MPDZ: variants seen among roughly 807,000 people sequenced by gnomAD.
MPDZ encodes multiple PDZ domain crumbs cell polarity complex component, also known as multiple PDZ domain protein.
Under a neutral mutation model 239.1 loss-of-function variants are expected in MPDZ, and 234 were observed. The observed-to-expected ratio is 0.98, with a 90% CI of 0.88 to 1.09. The LOEUF (loss-of-function observed/expected upper bound fraction) is 1.09, where lower values mean the gene tolerates loss of function less well. Ranked by LOEUF, MPDZ falls within the 50% of genes least tolerant of loss-of-function variation. The pLI, the probability that MPDZ is intolerant of heterozygous loss-of-function variation, is 0.00. For missense variants in MPDZ, 3,175 were observed against 2,510.0 expected (o/e 1.26, Z -5.66); for synonymous variants, 1,048 against 881.3 (o/e 1.19, Z -3.35).
chr9:13,158,338 G>T (rs1441808729), intron 23 of MPDZ, among the ~76,000 whole-genome samples: 1 of 152,062 alleles, frequency 6.6e-6, no homozygotes, highest in Non-Finnish European at 1.5e-5. Context: ...TGAACACTAA[G>T]ACTCTTGTCT....
rs1944382770 is a variant in MPDZ, at chr9:13,121,748, A to G, written c.5222T>C (p.Val1741Ala). 6.2e-7 allele frequency: 1 copy of G among 1,613,898 alleles called. No homozygotes were observed. The highest frequency in any genetic ancestry group is 8.5e-7 in the Non-Finnish European group (1 of 1,179,854). Residue 1741 changes from valine (V) to alanine (A), a missense_variant, in exon 38 of 47, where the codon GTT becomes GCT. Val to Ala is a moderately conservative substitution (Grantham distance 64). Transcript: ENST00000319217. The part of the protein sequence containing the change: ...KPGKGLGLSI[V>A]GKRNDTGVFV... ...TCCTCCTCAATCACACCTTTTACCA[A>G]CAATACTTAATCCTAGGCCTTTTCC... is the stretch of plus-strand genomic sequence containing the variant.
intron 10 of MPDZ, among the ~76,000 whole-genome samples, chr9:13,208,163 C>G (rs1189178959): frequency 6.6e-6 from 1 of 152,152 alleles, no homozygotes; most frequent in Non-Finnish European, 1.5e-5. Context: ...TAGATCAAGG[C>G]TGGGCGCAGT....
chr9:13,174,310 G>C (rs1952174393), intron 21 of MPDZ, among the ~76,000 whole-genome samples: 1 of 152,068 alleles, frequency 6.6e-6, no homozygotes, highest in Non-Finnish European at 1.5e-5. Context: ...CTTGTGTTAA[G>C]AACAGTGATA....
At chr9:13,115,156 C>T (rs1189499399) in intron 40 of MPDZ, 92 bp downstream of exon 40, 1 of 1,077,024 alleles carries the variant, frequency 9.3e-7, no homozygotes, top group Non-Finnish European at 1.4e-6. Flanking sequence ...GCCAGGGGAC[C>T]AGACCTTGTA....
In MPDZ at chr9:13,143,578, T is replaced by A. The variant is rs1462178983; in HGVS notation, c.3742-14A>T. 1.3e-6 allele frequency: 2 copies of A among 1,597,612 alleles called. No homozygotes were observed. Among genetic ancestry groups the A allele is most frequent in the South Asian group, 1.1e-5 (1 of 90,766 alleles). On this transcript the variant is annotated splice_polypyrimidine_tract_variant and intron_variant, in intron 26 of 46. Transcript: ENST00000319217. ...CAAAGGGGATTTCTAAAAGGAAACATAAGAGGCGCTGAACGCAAAGGAAAT... is the reference window on the plus strand; with the variant it reads ...CAAAGGGGATTTCTAAAAGGAAACAAAAGAGGCGCTGAACGCAAAGGAAAT...
At chr9:13,163,723 C>T (rs1401515811) in intron 22 of MPDZ, among the ~76,000 whole-genome samples, 3 of 152,052 alleles carry the variant, frequency 2.0e-5, no homozygotes, top group African/African-American at 7.2e-5. Flanking sequence ...TTATTAAACC[C>T]TCTGTCCATA....
Position 13,217,126 on chromosome 9 carries a change from T to G in MPDZ, c.1201+54A>C, listed in dbSNP as rs1958446249. 3 of 1,159,028 alleles carry G rather than the reference T, an allele frequency of 2.6e-6. No individual in the cohort carries two copies. The Admixed American group carries it at 7.6e-5, about 30-fold the overall frequency. 71.8% of individuals were successfully genotyped at this position (1,159,028 alleles called of 1,614,324 possible). The stretch of plus-strand genomic sequence containing the variant: ...TATCAACTCAATATTTTATAAGAGA[T>G]AGATATCAGAGGTAATTGTCAAGTT... On this transcript the variant is annotated intron_variant, in intron 9 of 46. Coordinates refer to ENST00000319217, the MANE Select transcript of MPDZ (RefSeq NM_001378778.1).
chr9:13,113,010 C>T lies in MPDZ; in HGVS notation c.5601+1G>A. 1 of 1,583,374 alleles carries T rather than the reference C, an allele frequency of 6.3e-7. No individual in the cohort carries two copies. Among genetic ancestry groups the T allele is most frequent in the Non-Finnish European group, 8.6e-7 (1 of 1,162,368 alleles). On this transcript the variant is annotated splice_donor_variant, in intron 42 of 46. Coordinates refer to ENST00000319217, the MANE Select transcript of MPDZ (RefSeq NM_001378778.1). LOFTEE classifies it high-confidence loss of function. ...TATATTGTTTTCTCTCCCCAAGTTA[C>T]CTTTTTCATTTCGACTGTTCTTAAT...
rs139327129 is a variant in MPDZ, at chr9:13,229,577, T to TACAC, written c.184-4998_184-4995dup. On this transcript the variant is annotated intron_variant, in intron 3 of 46. Transcript: ENST00000319217. ...GATTTTTCATGCCACACACCACACTTACACACACACACACACACACACACA... is the reference window on the plus strand; with the variant it reads ...GATTTTTCATGCCACACACCACACTTACACACACACACACACACACACACACACA... Among the ~76,000 whole-genome samples the TACAC allele has an allele frequency of 8.7e-3, 1,185 of 136,144 alleles. 11 individuals are homozygous for TACAC. Among genetic ancestry groups the TACAC allele is most frequent in the African/African-American group, 0.028 (1,062 of 37,280 alleles). 89.3% of individuals were successfully genotyped at this position (136,144 alleles called of 152,430 possible). A position where few individuals can be genotyped will look rare whatever the true frequency, so the allele number is the denominator to read the frequency against.
At chr9:13,163,964 C>T (rs768650904) in intron 22 of MPDZ, among the ~76,000 whole-genome samples, 10 of 152,094 alleles carry the variant, frequency 6.6e-5, no homozygotes, top group Non-Finnish European at 1.3e-4. Context: ...GTTCTGCTAC[C>T]ACGCAGAGTG....
At chr9:13,193,037 T>TA (rs1283924434) in intron 14 of MPDZ, 130 bp downstream of exon 14, 7 of 876,820 alleles carry the variant, frequency 8.0e-6, no homozygotes, top group Non-Finnish European at 1.5e-6. Context: ...GGGTTGTTTT[T>TA]ATCTGTAGAT....
Position 13,112,012 on chromosome 9 carries a change from A to G in MPDZ, c.5724+12T>C. 1 of 1,612,928 alleles carries G rather than the reference A, an allele frequency of 6.2e-7. No individual in the cohort carries two copies. The highest frequency in any genetic ancestry group is 8.5e-7 in the Non-Finnish European group (1 of 1,179,174). On this transcript the variant is annotated intron_variant, in intron 43 of 46. Coordinates refer to ENST00000319217, the MANE Select transcript of MPDZ (RefSeq NM_001378778.1). ...TTTTGCTAGGGCTTCTAGGGTTGAT[A>G]GTACGACTCACTCTGAGTTTTTGGG...
intron 3 of MPDZ, among the ~76,000 whole-genome samples, chr9:13,246,859 A>C (rs1966696328): frequency 6.6e-6 from 1 of 152,230 alleles, no homozygotes; most frequent in Admixed American, 6.5e-5. Context: ...CTTGGATTGA[A>C]GGCATAATGA....
At chr9:13,184,230 T>C (rs1398576427) in intron 18 of MPDZ, among the ~76,000 whole-genome samples, 4 of 152,038 alleles carry the variant, frequency 2.6e-5, no homozygotes, top group African/African-American at 9.7e-5. Flanking sequence ...ACATATTCTC[T>C]AATAATCCTA....
At chr9:13,236,245 G>GTATATATATATATATATATATATATATA (rs774590252) in intron 3 of MPDZ, among the ~76,000 whole-genome samples, 2 of 13,464 alleles carry the variant, frequency 1.5e-4, no homozygotes, top group African/African-American at 3.7e-4. Context: ...ATGTGTGTGT[G>GTATATATATATATATATATATATATATA]TGTGTATATA....
At chr9:13,231,795 T>C (rs146720013) in intron 3 of MPDZ, among the ~76,000 whole-genome samples, 1 of 152,104 alleles carries the variant, frequency 6.6e-6, no homozygotes, top group Non-Finnish European at 1.5e-5. Flanking sequence ...AGGATTATAC[T>C]AGACAGAAAA....
At chr9:13,163,500 C>G (rs560693297) in intron 22 of MPDZ, among the ~76,000 whole-genome samples, 1 of 152,262 alleles carries the variant, frequency 6.6e-6, no homozygotes, top group South Asian at 2.1e-4. Context: ...AGACACTGTG[C>G]CAGATGCTGA....
At chr9:13,136,041 G>A (rs113900010) in intron 31 of MPDZ, 51 bp downstream of exon 31, 1 of 1,178,440 alleles carries the variant, frequency 8.5e-7, no homozygotes, top group African/African-American at 1.5e-5. Flanking sequence ...GAATTAATAA[G>A]GCTCACATCA....
chr9:13,217,863 A>C (rs1179204070), intron 8 of MPDZ, among the ~76,000 whole-genome samples: 1 of 151,872 alleles, frequency 6.6e-6, no homozygotes, highest in East Asian at 1.9e-4. Context: ...CAGCATCCTG[A>C]ATGATAACTG....
Sources: gnomAD v4.1 joint callset for allele counts (sites outside exome capture counted in the v4.1 genomes callset) on GRCh38, gnomAD v4.1.1 for gene constraint, MANE v1.5 for transcripts, NCBI Gene and HGNC (gene_info 2026-07-23, HGNC 2026-07-21) for gene names.